PLXDC2: variants seen among roughly 807,000 people sequenced by gnomAD.
PLXDC2 encodes plexin domain-containing protein 2.
A neutral mutation model predicts 68.9 loss-of-function variants in PLXDC2; 40 were observed. The ratio of observed to expected loss-of-function variants is 0.58; its 90% CI spans 0.45 to 0.76. The LOEUF is 0.76. Among genes scored for constraint, PLXDC2 ranks in the 30% least tolerant of loss-of-function variants. The probability of loss-of-function intolerance (pLI) is 0.00; values close to 1 mark genes in which losing one functional copy is unlikely to be tolerated. For synonymous variants in PLXDC2, 243 were observed against 234.2 expected, an observed-to-expected ratio of 1.04 and a Z score of -0.34; for missense variants, 644 against 661.9, an observed-to-expected ratio of 0.97 and a Z score of 0.30.
chr10:20,287,180 T>A lies in PLXDC2; in HGVS notation c.*7361T>A, dbSNP rs1836166867. 1 of 152,186 alleles carries A rather than the reference T, an allele frequency of 6.6e-6. No homozygotes were observed. Among genetic ancestry groups the A allele is most frequent in the African/African-American group, 2.4e-5 (1 of 41,432 alleles). The allele number at this position is 152,186 out of a possible 1,614,324, so 9.4% of individuals were successfully genotyped here. A position where few individuals can be genotyped will look rare whatever the true frequency, so the allele number is the denominator to read the frequency against. On this transcript the variant is annotated 3_prime_UTR_variant, in exon 14 of 14. Coordinates refer to ENST00000377252, the MANE Select transcript of PLXDC2 (RefSeq NM_032812.9). ...AAGCAAAGGATATGCCTATGATTAG[T>A]CTAAAATGCAGCCATCACCCCCCAT...
At chr10:19,940,970 G>A (rs138229673) in intron 1 of PLXDC2, among the ~76,000 whole-genome samples, 14 of 152,298 alleles carry the variant, frequency 9.2e-5, no homozygotes, top group African/African-American at 3.4e-4. Context: ...AAGAATTTCA[G>A]GGTGAGAAGA....
chr10:20,063,468 G>C (rs948446499), intron 3 of PLXDC2, among the ~76,000 whole-genome samples: 1 of 152,060 alleles, frequency 6.6e-6, no homozygotes, highest in African/African-American at 2.4e-5. Context: ...TTATTAGAAG[G>C]CTTCTGTATT....
chr10:20,081,364 A>G (rs558556630), intron 4 of PLXDC2, among the ~76,000 whole-genome samples: 99 of 152,284 alleles, frequency 6.5e-4, no homozygotes, highest in Non-Finnish European at 1.0e-3. Flanking sequence ...ATACAGACCT[A>G]CTAAATACTA....
intron 12 of PLXDC2, among the ~76,000 whole-genome samples, chr10:20,226,197 C>T (rs1444852826): frequency 6.6e-6 from 1 of 152,232 alleles, no homozygotes; most frequent in Non-Finnish European, 1.5e-5. Flanking sequence ...GTAGAAACTA[C>T]ATCTTACTCT....
At chr10:20,170,085 A>G (rs1834427012) in intron 7 of PLXDC2, among the ~76,000 whole-genome samples, 2 of 152,206 alleles carry the variant, frequency 1.3e-5, no homozygotes, top group South Asian at 4.1e-4. Context: ...AGCAGAGCAA[A>G]TATATTTTAA....
Position 20,289,180 on chromosome 10 carries a change from A to T in PLXDC2, c.*9361A>T, listed in dbSNP as rs1836198095. 6.6e-6 allele frequency: 1 copy of T among 152,202 alleles called. No homozygotes were observed. The highest frequency in any genetic ancestry group is 1.5e-5 in the Non-Finnish European group (1 of 68,040). The allele number at this position is 152,202 out of a possible 1,614,324, so 9.4% of individuals were successfully genotyped here. Reference sequence around the variant, plus strand: ...GCACAAGGCTGATGGCAAGATAGAAAGTTATTTTGCTTCTAAACCCACCCC... The same window carrying T: ...GCACAAGGCTGATGGCAAGATAGAATGTTATTTTGCTTCTAAACCCACCCC... On this transcript the variant is annotated 3_prime_UTR_variant, in exon 14 of 14. Coordinates refer to ENST00000377252, the MANE Select transcript of PLXDC2 (RefSeq NM_032812.9).
At chr10:20,229,993 A>C (rs925759610) in intron 12 of PLXDC2, among the ~76,000 whole-genome samples, 4 of 152,246 alleles carry the variant, frequency 2.6e-5, no homozygotes, top group African/African-American at 9.6e-5. Context: ...TCTAAGAAAT[A>C]TTTGTTTAAC....
rs948659126 is a variant in PLXDC2 at position 19,904,358 on chromosome 10, T to C, written c.112+87167T>C. ...AGTAGTAATTACTACTAGATTATGG[T>C]TGCCTCTGCTGAGTCATACAGGTCA... On this transcript the variant is annotated intron_variant, in intron 1 of 13. Coordinates refer to ENST00000377252, the MANE Select transcript of PLXDC2 (RefSeq NM_032812.9). Among the ~76,000 whole-genome samples the C allele has an allele frequency of 2.0e-5, 3 of 152,154 alleles. No homozygotes were observed. In the East Asian group the frequency reaches 5.8e-4, roughly 29 times the overall value.
At chr10:19,942,766 CAAAACAAAAAAG>C (rs1368836257) in intron 1 of PLXDC2, among the ~76,000 whole-genome samples, 1 of 151,696 alleles carries the variant, frequency 6.6e-6, no homozygotes, top group Non-Finnish European at 1.5e-5. Flanking sequence ...GACCCTGTCT[CAAAACAAAAAAG>C]AAAACAAAAC....
intron 1 of PLXDC2, among the ~76,000 whole-genome samples, chr10:19,852,856 G>T (rs1396626583): frequency 2.0e-5 from 3 of 152,180 alleles, no homozygotes; most frequent in Non-Finnish European, 4.4e-5. Context: ...ATCTGATTGT[G>T]TAAAAATATT....
intron 1 of PLXDC2, among the ~76,000 whole-genome samples, chr10:19,990,779 C>T (rs914102854): frequency 3.3e-5 from 5 of 152,044 alleles, no homozygotes; most frequent in Non-Finnish European, 7.4e-5. Context: ...TAGGGAAAGT[C>T]ATTTAGGAAA....
chr10:19,832,530 T>C (rs932862278), intron 1 of PLXDC2, among the ~76,000 whole-genome samples: 5 of 152,252 alleles, frequency 3.3e-5, no homozygotes, highest in African/African-American at 1.2e-4. Context: ...TTTCATGATA[T>C]AATTTGAAAT....
chr10:20,044,229 C>A (rs867406424), intron 2 of PLXDC2, among the ~76,000 whole-genome samples: 1 of 68,764 alleles, frequency 1.5e-5, no homozygotes, highest in African/African-American at 7.3e-5. Context: ...TTCTTTCTTT[C>A]TTTCTTTCTT....
intron 4 of PLXDC2, among the ~76,000 whole-genome samples, chr10:20,082,002 G>A (rs1334486195): frequency 2.4e-5 from 3 of 124,038 alleles, no homozygotes; most frequent in African/African-American, 3.2e-5. Context: ...CCGAGATTGC[G>A]CCATTGCACT....
intron 6 of PLXDC2, among the ~76,000 whole-genome samples, chr10:20,162,307 A>G (rs933353469): frequency 1.3e-5 from 2 of 152,180 alleles, no homozygotes; most frequent in Non-Finnish European, 2.9e-5. Flanking sequence ...ATACATAATG[A>G]CATAATAGGA....
intron 1 of PLXDC2, among the ~76,000 whole-genome samples, chr10:19,864,570 G>A (rs1837379185): frequency 6.6e-6 from 1 of 152,114 alleles, no homozygotes; most frequent in African/African-American, 2.4e-5. Context: ...TAAAGCTTCA[G>A]GGGAAGTGCT....
chr10:19,838,492 G>A (rs906253616), intron 1 of PLXDC2, among the ~76,000 whole-genome samples: 2 of 152,118 alleles, frequency 1.3e-5, no homozygotes, highest in African/African-American at 4.8e-5. Flanking sequence ...AAACAGACAA[G>A]TCACTTTGCT....
intron 1 of PLXDC2, among the ~76,000 whole-genome samples, chr10:19,891,001 C>A (rs867332942): frequency 6.6e-6 from 1 of 151,986 alleles, no homozygotes; most frequent in African/African-American, 2.4e-5. Context: ...CTGACTTTCC[C>A]ATGTAGGGTC....
intron 1 of PLXDC2, among the ~76,000 whole-genome samples, chr10:19,919,602 C>T (rs573046443): frequency 6.6e-6 from 1 of 152,328 alleles, no homozygotes; most frequent in Admixed American, 6.5e-5. Flanking sequence ...GTATTGTCCT[C>T]ACAGTTATTT....
Sources: gnomAD v4.1 joint callset for allele counts (sites outside exome capture counted in the v4.1 genomes callset) on GRCh38, gnomAD v4.1.1 for gene constraint, MANE v1.5 for transcripts, NCBI Gene and HGNC (gene_info 2026-07-23, HGNC 2026-07-21) for gene names.